Variants in ASRGL1 observed in about 807,000 individuals in gnomAD.
ASRGL1 encodes the protein isoaspartyl peptidase/L-asparaginase.
Under a neutral mutation model 22.4 loss-of-function variants are expected in ASRGL1, and 16 were observed. The ratio of observed to expected loss-of-function variants is 0.71; its 90% confidence interval spans 0.48 to 1.08. ASRGL1 has a LOEUF of 1.08. ASRGL1 is among the 50% of genes least tolerant of loss of function. The pLI is 0.00. For missense variants in ASRGL1, 412 were observed against 410.1 expected (o/e 1.00, Z -0.04); for synonymous variants, 165 against 159.3 (o/e 1.04, Z -0.27).
At chr11:62,379,384 C>T (rs1378405466) in intron 4 of ASRGL1, among the ~76,000 whole-genome samples, 1 of 152,118 alleles carries the variant, frequency 6.6e-6, no homozygotes, top group South Asian at 2.1e-4. Context: ...CCTTTCCTGC[C>T]GGATCAGTGC....
chr11:62,338,314 C>T, intron 2 of ASRGL1, 147 bp downstream of exon 2: 2 of 948,688 alleles, frequency 2.1e-6, no homozygotes, highest in Non-Finnish European at 1.5e-6. Flanking sequence ...AATTTTTCTA[C>T]CTGTGCTGAA....
At chr11:62,342,498 A>G (rs1198221877) in intron 2 of ASRGL1, among the ~76,000 whole-genome samples, 1 of 152,238 alleles carries the variant, frequency 6.6e-6, no homozygotes, top group Non-Finnish European at 1.5e-5. Flanking sequence ...CTTTTTACAC[A>G]TAAATGGCAG....
rs1250563604 is a variant in ASRGL1 at position 62,392,576 on chromosome 11, A to G, written c.*292A>G. ...AGAGCCAGGCCCTGTATCAAAAAAAAAAAAAAAAAGAAAAGGGAAAAAAGA... is the reference window on the plus strand; with the variant it reads ...AGAGCCAGGCCCTGTATCAAAAAAAGAAAAAAAAAGAAAAGGGAAAAAAGA... On this transcript the variant is annotated 3_prime_UTR_variant, in exon 7 of 7. Transcript: ENST00000415229. 2 of 201,442 alleles carry G rather than the reference A, an allele frequency of 9.9e-6. No homozygotes were observed. Among genetic ancestry groups the G allele is most frequent in the South Asian group, 5.0e-5 (1 of 19,856 alleles). The allele number at this position is 201,442 out of a possible 1,614,324, so 12.5% of individuals were successfully genotyped here. A position where few individuals can be genotyped will look rare whatever the true frequency, so the allele number is the denominator to read the frequency against.
intron 4 of ASRGL1, among the ~76,000 whole-genome samples, chr11:62,378,411 A>C (rs1244485710): frequency 6.6e-6 from 1 of 152,122 alleles, no homozygotes; most frequent in Non-Finnish European, 1.5e-5. Context: ...GAGCTTGACA[A>C]ATAGTTGGAC....
intron 4 of ASRGL1, among the ~76,000 whole-genome samples, chr11:62,366,953 CCAG>C (rs2134642764): frequency 6.6e-6 from 1 of 152,296 alleles, no homozygotes; most frequent in East Asian, 1.9e-4. Context: ...GCCTGTAATC[CCAG>C]CAGCTTGGGA....
chr11:62,350,007 C>T (rs1463405987), intron 2 of ASRGL1, among the ~76,000 whole-genome samples: 1 of 152,094 alleles, frequency 6.6e-6, no homozygotes. Context: ...TTTACTGTAA[C>T]CTGTTTTATC....
chr11:62,372,549 C>T (rs899739855), intron 4 of ASRGL1: 3 of 922,438 alleles, frequency 3.3e-6, no homozygotes, highest in Non-Finnish European at 5.5e-6. Flanking sequence ...AGCGAGTGGC[C>T]ATCTTCATTG....
At chr11:62,382,781 G>A (rs1947104602) in intron 4 of ASRGL1, 1 of 152,298 alleles carries the variant, frequency 6.6e-6, no homozygotes, top group South Asian at 2.1e-4. Context: ...GCTTTCCTAG[G>A]CAGAGGTCCC....
At chr11:62,398,709 C>A in the ASRGL1 span, among the ~76,000 whole-genome samples, 1 of 152,240 alleles carries the variant, frequency 6.6e-6, no homozygotes, top group Non-Finnish European at 1.5e-5. Flanking sequence ...CGGCATGTCT[C>A]CCCGGTGACC....
intron 4 of ASRGL1, among the ~76,000 whole-genome samples, chr11:62,374,552 ATTG>A (rs147365981): frequency 0.27 from 41,291 of 151,894 alleles, 5,689 homozygotes; most frequent in South Asian, 0.36. Context: ...TTCTTTAGCT[ATTG>A]TTACCACTTG....
downstream of ASRGL1, among the ~76,000 whole-genome samples, chr11:62,394,147 ATT>A (rs1947400393): frequency 1.2e-5 from 1 of 83,902 alleles, no homozygotes; most frequent in Non-Finnish European, 2.8e-5. Context: ...AATATATAAC[ATT>A]TATATAATAC....
At position 62,338,066 on chromosome 11, in the gene ASRGL1, C is replaced by T; in HGVS notation, c.89C>T (p.Ala30Val). ...KERVHQGMVR[A>V]ATVGYGILRE... is the part of the protein sequence containing the mutation. ...CGAGTGCACCAGGGCATGGTCAGAG[C>T]CGCCACCGTGGGCTACGGCATCCTC... Residue 30 changes from alanine to valine, a missense_variant, in exon 2 of 7, where the codon GCC becomes GTC. Transcript: ENST00000415229. The T allele has an allele frequency of 6.2e-7, 1 of 1,607,688 alleles. No homozygotes were observed. Among genetic ancestry groups the T allele is most frequent in the Non-Finnish European group, 8.5e-7 (1 of 1,177,618 alleles).
chr11:62,375,354 A>G (rs1401842433), intron 4 of ASRGL1, among the ~76,000 whole-genome samples: 1 of 147,420 alleles, frequency 6.8e-6, no homozygotes, highest in Non-Finnish European at 1.5e-5. Flanking sequence ...AAAGAGGCTT[A>G]GTGTGAAGGG....
intron 4 of ASRGL1, among the ~76,000 whole-genome samples, chr11:62,388,534 G>T (rs1455279204): frequency 6.6e-6 from 1 of 152,164 alleles, no homozygotes; most frequent in South Asian, 2.1e-4. Context: ...CCCAGGTGTG[G>T]TGGTGCATGC....
In ASRGL1 at chr11:62,347,518, C is replaced by T. The variant is rs533164854; in HGVS notation, c.191-8807C>T. Among the ~76,000 whole-genome samples the T allele has an allele frequency of 4.6e-5, 7 of 152,182 alleles. No individual in the cohort carries two copies. The South Asian group carries it at 8.3e-4, about 18-fold the overall frequency. ...ACAAAAAGATAACTTACCACTTTGGCGCTTCCAAGTACTTTAGGAGCTGTG... is the reference window on the plus strand; with the variant it reads ...ACAAAAAGATAACTTACCACTTTGGTGCTTCCAAGTACTTTAGGAGCTGTG... On this transcript the variant is annotated intron_variant, in intron 2 of 6. Transcript: ENST00000415229.
chr11:62,372,474 C>T, intron 4 of ASRGL1: 2 of 1,437,200 alleles, frequency 1.4e-6, no homozygotes, highest in Non-Finnish European at 2.0e-6. Flanking sequence ...AGCTGGGACA[C>T]AACTCAGATG....
rs71053038 is a variant in ASRGL1, at chr11:62,343,730, C to CAA, written c.190+5583_190+5584dup. Among the ~76,000 whole-genome samples the CAA allele has an allele frequency of 4.7e-3, 325 of 68,698 alleles. 3 individuals are homozygous for CAA. The highest frequency in any genetic ancestry group is 5.6e-3 in the Non-Finnish European group (222 of 39,976). 45.1% of individuals were successfully genotyped at this position (68,698 alleles called of 152,430 possible). On this transcript the variant is annotated intron_variant, in intron 2 of 6. Coordinates refer to ENST00000415229, the MANE Select transcript of ASRGL1 (RefSeq NM_001083926.2). ...GCAACAAAGCAAGACTCCAGCTCCACAAAAAAAAAAAAAAAAAAAAAGTTC... is the reference window on the plus strand; with the variant it reads ...GCAACAAAGCAAGACTCCAGCTCCACAAAAAAAAAAAAAAAAAAAAAAAGTTC...
At chr11:62,377,412 A>C (rs746672461) in intron 4 of ASRGL1, among the ~76,000 whole-genome samples, 12 of 152,174 alleles carry the variant, frequency 7.9e-5, no homozygotes, top group Non-Finnish European at 1.3e-4. Context: ...TAATAGGTTG[A>C]TTAAAATCTT....
At chr11:62,339,251 T>C (rs752273398) in intron 2 of ASRGL1, among the ~76,000 whole-genome samples, 3 of 152,196 alleles carry the variant, frequency 2.0e-5, no homozygotes, top group Non-Finnish European at 4.4e-5. Flanking sequence ...TGTCATGTGA[T>C]GTCATACTAG....
Sources: allele counts gnomAD v4.1 joint callset (sites outside exome capture counted in the v4.1 genomes callset), GRCh38; gene constraint gnomAD v4.1.1; transcripts MANE v1.5; gene names NCBI Gene and HGNC (gene_info 2026-07-23, HGNC 2026-07-21).